ANKRD44: variants seen among roughly 807,000 people sequenced by gnomAD.
ANKRD44 encodes the protein serine/threonine-protein phosphatase 6 regulatory ankyrin repeat subunit B.
In ANKRD44, 35 loss-of-function variants were observed where a neutral mutation model predicts 116.0. That is an observed-to-expected ratio of 0.30 (90% CI 0.23 to 0.40). The LOEUF (loss-of-function observed/expected upper bound fraction) is 0.40, where lower values mean the gene tolerates loss of function less well. Among genes scored for constraint, ANKRD44 ranks in the 10% least tolerant of loss-of-function variants. The probability of loss-of-function intolerance (pLI) is 1.00; values close to 1 mark genes in which losing one functional copy is unlikely to be tolerated. For missense variants in ANKRD44, 1,014 were observed against 1,242.6 expected, an observed-to-expected ratio of 0.82 and a Z score of 2.77; for synonymous variants, 435 against 461.8, an observed-to-expected ratio of 0.94 and a Z score of 0.74.
intron 8 of ANKRD44, among the ~76,000 whole-genome samples, chr2:197,113,252 G>A (rs41536845): frequency 1.6e-4 from 24 of 152,244 alleles, no homozygotes; most frequent in East Asian, 9.6e-4. Flanking sequence ...CTTAGTTGTC[G>A]GGACTGCACA....
At chr2:197,041,134 C>CGAAGAA (rs2076903309) in intron 16 of ANKRD44, among the ~76,000 whole-genome samples, 1 of 152,136 alleles carries the variant, frequency 6.6e-6, no homozygotes, top group Non-Finnish European at 1.5e-5. Context: ...AAGAAGGTGC[C>CGAAGAA]TTTCCCTTCT....
intron 9 of ANKRD44, among the ~76,000 whole-genome samples, chr2:197,106,380 G>A (rs2078427575): frequency 6.6e-6 from 1 of 152,186 alleles, no homozygotes; most frequent in Non-Finnish European, 1.5e-5. Context: ...GGGAGGCAGA[G>A]ATAGCAGTGA....
chr2:197,248,379 G>C (rs1009974970), intron 1 of ANKRD44, among the ~76,000 whole-genome samples: 1 of 151,992 alleles, frequency 6.6e-6, no homozygotes, highest in African/African-American at 2.4e-5. Flanking sequence ...CTGGGGACTA[G>C]AGCCTGCTGG....
At chr2:196,969,564 A>G (rs2075700716) in intron 21 of ANKRD44, among the ~76,000 whole-genome samples, 1 of 152,234 alleles carries the variant, frequency 6.6e-6, no homozygotes, top group South Asian at 2.1e-4. Flanking sequence ...CACAGATGTA[A>G]TCACATAATT....
intron 18 of ANKRD44, among the ~76,000 whole-genome samples, chr2:197,009,343 C>T (rs1036622866): frequency 1.1e-4 from 17 of 151,784 alleles, no homozygotes; most frequent in Non-Finnish European, 4.4e-5. Flanking sequence ...CCGCCAGCCT[C>T]GGCCTCCCAA....
At chr2:197,273,978 AAAATATATAT>A (rs2082985638) in intron 1 of ANKRD44, among the ~76,000 whole-genome samples, 1 of 49,722 alleles carries the variant, frequency 2.0e-5, no homozygotes, top group African/African-American at 8.0e-5. Flanking sequence ...AAAAAAAAAA[AAAATATATAT>A]ATATATATAT....
intron 8 of ANKRD44, among the ~76,000 whole-genome samples, chr2:197,119,258 C>T (rs2078797018): frequency 6.6e-6 from 1 of 151,628 alleles, no homozygotes; most frequent in African/African-American, 2.4e-5. Flanking sequence ...GTTTTTAATG[C>T]TCAGGTCTGA....
chr2:197,231,308 T>C (rs1411088287), intron 1 of ANKRD44, among the ~76,000 whole-genome samples: 1 of 152,152 alleles, frequency 6.6e-6, no homozygotes, highest in Non-Finnish European at 1.5e-5. Context: ...TGTGTATCTA[T>C]AGTGCCAGCT....
intron 1 of ANKRD44, among the ~76,000 whole-genome samples, chr2:197,278,663 G>T (rs1383922386): frequency 2.0e-5 from 3 of 152,156 alleles, no homozygotes; most frequent in African/African-American, 7.2e-5. Context: ...CCCTACAAAG[G>T]TAAAGATGGA....
At chr2:197,279,815 C>T (rs4850785) in intron 1 of ANKRD44, among the ~76,000 whole-genome samples, 100,326 of 151,990 alleles carry the variant, frequency 0.66, 33,533 homozygotes, top group African/African-American at 0.74. Context: ...AAACACAGAC[C>T]GCCCTGCATT....
At chr2:197,093,648 A>G (rs1022062209) in intron 10 of ANKRD44, among the ~76,000 whole-genome samples, 1 of 152,260 alleles carries the variant, frequency 6.6e-6, no homozygotes, top group Non-Finnish European at 1.5e-5. Context: ...AAGATTGGAA[A>G]TAAAAGAAAA....
intron 16 of ANKRD44, among the ~76,000 whole-genome samples, chr2:197,061,879 C>A (rs4850752): frequency 0.72 from 108,290 of 151,406 alleles, 40,277 homozygotes; most frequent in East Asian, 0.86. Flanking sequence ...CTTCCAGATT[C>A]AAGCAATTCT....
At chr2:197,149,029 T>C (rs969587392) in intron 2 of ANKRD44, among the ~76,000 whole-genome samples, 1 of 152,244 alleles carries the variant, frequency 6.6e-6, no homozygotes, top group Non-Finnish European at 1.5e-5. Context: ...TTTTCACAAA[T>C]GTTTTCTATT....
chr2:197,108,149 C>CA (rs1262553487), intron 9 of ANKRD44, among the ~76,000 whole-genome samples: 3 of 152,146 alleles, frequency 2.0e-5, no homozygotes, highest in Non-Finnish European at 4.4e-5. Flanking sequence ...TCTCTGATGT[C>CA]AGACTTCCTG....
At chr2:197,141,051 C>A (rs2125407284) in intron 3 of ANKRD44, among the ~76,000 whole-genome samples, 1 of 152,168 alleles carries the variant, frequency 6.6e-6, no homozygotes, top group African/African-American at 2.4e-5. Flanking sequence ...ACCCCGTCTC[C>A]ACTAAAGATA....
At chr2:196,967,947 C>T (rs1394423144) in intron 21 of ANKRD44, among the ~76,000 whole-genome samples, 1 of 151,662 alleles carries the variant, frequency 6.6e-6, no homozygotes, top group Non-Finnish European at 1.5e-5. Flanking sequence ...CTCTCACTTG[C>T]TCTTGCTCTG....
At chr2:197,136,198 C>G (rs2079212437) in intron 4 of ANKRD44, 1 of 202,048 alleles carries the variant, frequency 4.9e-6, no homozygotes, top group Non-Finnish European at 1.0e-5. Context: ...TCCTGGCCTG[C>G]TAAGTCCTTA....
At chr2:197,282,360 G>A (rs914762582) in intron 1 of ANKRD44, among the ~76,000 whole-genome samples, 16 of 151,868 alleles carry the variant, frequency 1.1e-4, no homozygotes, top group Admixed American at 4.6e-4. Context: ...GCTTGGTGGC[G>A]TATGTATGTC....
intron 1 of ANKRD44, among the ~76,000 whole-genome samples, chr2:197,262,817 A>C (rs558601426): frequency 6.6e-6 from 1 of 152,304 alleles, no homozygotes; most frequent in South Asian, 2.1e-4. Flanking sequence ...AGACAGGAGA[A>C]TCGCTTTAAC....
Sources: gnomAD v4.1 joint callset for allele counts (sites outside exome capture counted in the v4.1 genomes callset) on GRCh38, gnomAD v4.1.1 for gene constraint, MANE v1.5 for transcripts, NCBI Gene and HGNC (gene_info 2026-07-23, HGNC 2026-07-21) for gene names.